AGR3: variants seen among roughly 807,000 people sequenced by gnomAD.
AGR3 encodes anterior gradient 3, protein disulphide isomerase family member.
A neutral mutation model predicts 24.5 loss-of-function variants in AGR3; 37 were observed. The observed-to-expected ratio is 1.51, with a 90% CI of 1.16 to 1.99. The LOEUF is 1.99. AGR3 is among the 30% of genes most tolerant of loss of function. The probability of loss-of-function intolerance (pLI) is 0.00; values close to 1 mark genes in which losing one functional copy is unlikely to be tolerated. For synonymous variants in AGR3, 75 were observed against 61.6 expected (o/e 1.22, Z -1.02); for missense variants, 228 against 191.1 (o/e 1.19, Z -1.14).
chr7:16,857,814 A>G (rs1213970690), downstream of AGR3, among the ~76,000 whole-genome samples: 4 of 152,156 alleles, frequency 2.6e-5, no homozygotes, highest in African/African-American at 4.8e-5. Context: ...ATAAGACCCA[A>G]AGGAAACCTT....
intron 3 of AGR3, among the ~76,000 whole-genome samples, chr7:16,871,319 C>T: frequency 6.6e-6 from 1 of 152,260 alleles, no homozygotes; most frequent in South Asian, 2.1e-4. Context: ...AAAATGTATT[C>T]TAATAGCAAC....
intron 3 of AGR3, among the ~76,000 whole-genome samples, chr7:16,871,908 G>C (rs941559286): frequency 6.6e-6 from 1 of 152,066 alleles, no homozygotes; most frequent in Non-Finnish European, 1.5e-5. Flanking sequence ...GGAGGTGAAA[G>C]ATCCCTACAA....
rs536209331 is a variant in AGR3 at position 16,860,419 on chromosome 7, T to C, written c.451+81A>G. The C allele has an allele frequency of 2.8e-5, 29 of 1,042,924 alleles. No homozygotes were observed. The African/African-American group carries it at 3.8e-4, about 13-fold the overall frequency. 64.6% of individuals were successfully genotyped at this position (1,042,924 alleles called of 1,614,324 possible). A position where few individuals can be genotyped will look rare whatever the true frequency, so the allele number is the denominator to read the frequency against. ...CTCAGTGACTGGTGTGTAGAAGCAC[T>C]GATGTAGGGCTTCACTAGCCCTTAA... On this transcript the variant is annotated intron_variant, in intron 7 of 7. Transcript: ENST00000310398.
chr7:16,867,799 T>C (rs1781787405), intron 3 of AGR3, among the ~76,000 whole-genome samples: 1 of 152,250 alleles, frequency 6.6e-6, no homozygotes, highest in Non-Finnish European at 1.5e-5. Context: ...GGTTCTTCTA[T>C]GTTGTTGCAA....
intron 3 of AGR3, chr7:16,865,031 AT>A (rs1193408635): frequency 8.5e-6 from 7 of 825,156 alleles, no homozygotes; most frequent in Admixed American, 3.4e-5. Flanking sequence ...TATCCTGTTC[AT>A]ATTCTGATAA....
At chr7:16,878,429 T>G in intron 2 of AGR3, 81 bp downstream of exon 2, 1 of 1,216,624 alleles carries the variant, frequency 8.2e-7, no homozygotes, top group East Asian at 2.4e-5. Flanking sequence ...GCTTTATAAT[T>G]AGACTATGAG....
intron 3 of AGR3, among the ~76,000 whole-genome samples, chr7:16,863,057 G>A (rs905783665): frequency 5.3e-5 from 8 of 152,172 alleles, no homozygotes; most frequent in African/African-American, 1.9e-4. Flanking sequence ...GTGACAGAGC[G>A]AGACTCTGTC....
At chr7:16,860,766 A>G (rs1781625634) in intron 6 of AGR3, among the ~76,000 whole-genome samples, 183 bp from the exon 7 acceptor site, 1 of 152,222 alleles carries the variant, frequency 6.6e-6, no homozygotes, top group Non-Finnish European at 1.5e-5. Flanking sequence ...TGAACATAGT[A>G]GCCAACAGTT....
chr7:16,856,856 C>CAT (rs1781561432), downstream of AGR3, among the ~76,000 whole-genome samples: 1 of 152,052 alleles, frequency 6.6e-6, no homozygotes, highest in African/African-American at 2.4e-5. Flanking sequence ...CACACACACA[C>CAT]ACATTCACTA....
intron 2 of AGR3, among the ~76,000 whole-genome samples, chr7:16,877,581 T>C (rs1179170535): frequency 6.6e-6 from 1 of 151,416 alleles, no homozygotes; most frequent in African/African-American, 2.4e-5. Context: ...AATATTTTCT[T>C]GGCCGGGCGC....
chr7:16,863,949 A>G (rs943522623), intron 3 of AGR3, among the ~76,000 whole-genome samples: 4 of 152,076 alleles, frequency 2.6e-5, no homozygotes, highest in Non-Finnish European at 5.9e-5. Context: ...AAGTTTTTGC[A>G]TTCTGAATTA....
chr7:16,872,353 G>C (rs867165490), intron 3 of AGR3, among the ~76,000 whole-genome samples: 1 of 152,094 alleles, frequency 6.6e-6, no homozygotes, highest in South Asian at 2.1e-4. Flanking sequence ...ACATGCATTG[G>C]GGAAAGGACA....
chr7:16,861,537 A>G (rs939363475), intron 5 of AGR3, 90 bp from the exon 6 acceptor site: 4 of 1,112,396 alleles, frequency 3.6e-6, no homozygotes, highest in Non-Finnish European at 2.7e-6. Flanking sequence ...AGTAAATTCT[A>G]TTTTGGCCTT....
chr7:16,875,678 T>C (rs1229718531), intron 2 of AGR3, among the ~76,000 whole-genome samples: 4 of 152,192 alleles, frequency 2.6e-5, no homozygotes, highest in Non-Finnish European at 4.4e-5. Flanking sequence ...TTTGAGGAGC[T>C]GCCGGGTTAT....
downstream of AGR3, among the ~76,000 whole-genome samples, chr7:16,855,704 G>A (rs989544040): frequency 7.9e-5 from 12 of 152,160 alleles, no homozygotes; most frequent in African/African-American, 2.9e-4. Flanking sequence ...TCTTTACTCA[G>A]TAAGGAGGTT....
intron 2 of AGR3, among the ~76,000 whole-genome samples, chr7:16,874,706 T>C (rs1781951581): frequency 6.6e-6 from 1 of 152,196 alleles, no homozygotes; most frequent in East Asian, 1.9e-4. Flanking sequence ...TCATGGTAAA[T>C]ATGATAGTAA....
rs1781672813 is a variant in AGR3 at position 16,862,656 on chromosome 7, C to T, written c.180G>A (p.Lys60=). 7 of 1,548,462 alleles carry T rather than the reference C, an allele frequency of 4.5e-6. No individual in the cohort carries two copies. Among genetic ancestry groups the T allele is most frequent in the South Asian group, 1.3e-5 (1 of 78,914 alleles). Residue 60 remains lysine, a synonymous_variant, in exon 4 of 8, where the codon AAG becomes AAA. Coordinates refer to ENST00000310398, the MANE Select transcript of AGR3 (RefSeq NM_176813.5). Reference sequence around the variant, plus strand: ...CCAGGTGATGAATAACCATTAATGGCTTCTTACTAAACAAAGAAAGTATGG... The same window carrying T: ...CCAGGTGATGAATAACCATTAATGGTTTCTTACTAAACAAAGAAAGTATGG... ...EGLFYAQKSK[K]PLMVIHHLED... is the part of the protein sequence containing the mutation.
intron 3 of AGR3, chr7:16,865,845 C>G: frequency 1.4e-6 from 1 of 739,698 alleles, no homozygotes; most frequent in Non-Finnish European, 2.5e-6. Flanking sequence ...ACTTGAATAC[C>G]ATTCTCCTTT....
Position 16,859,584 on chromosome 7 carries a change from A to T in AGR3, c.499T>A (p.Ter167LysextTer26). 1 of 1,554,942 alleles carries T rather than the reference A, an allele frequency of 6.4e-7. No homozygotes were observed. The highest frequency in any genetic ancestry group is 1.1e-5 in the South Asian group (1 of 87,128). ...TGAAGGCTTTTTTCCATCATCTCTT[A>T]TAGCTCTGACTGAATAAGTCTTAAT... ...KALRLIQSEL[*>K] The change falls in exon 8 of 8, where the codon TAA becomes AAA. Residue 167 changes from the stop codon to lysine, a stop_lost. Coordinates refer to ENST00000310398, the MANE Select transcript of AGR3 (RefSeq NM_176813.5).
Sources: gnomAD v4.1 joint callset for allele counts (sites outside exome capture counted in the v4.1 genomes callset) on GRCh38, gnomAD v4.1.1 for gene constraint, MANE v1.5 for transcripts, NCBI Gene and HGNC (gene_info 2026-07-23, HGNC 2026-07-21) for gene names.